Variants in CFAP47 observed in about 807,000 individuals in gnomAD.
The protein encoded by CFAP47 is cilia and flagella associated protein 47.
CFAP47 carries 29 observed loss-of-function variants against 148.1 expected under a neutral mutation model. The ratio of observed to expected loss-of-function variants is 0.20; its 90% CI spans 0.15 to 0.27. The LOEUF is 0.27. Among genes scored for constraint, CFAP47 ranks in the 10% least tolerant of loss-of-function variants. CFAP47 has a pLI of 1.00. For missense variants in CFAP47, 1,872 were observed against 1,697.5 expected (o/e 1.10, Z -1.81); for synonymous variants, 664 against 577.3 (o/e 1.15, Z -2.15).
intron 33 of CFAP47, among the ~76,000 whole-genome samples, chrX:36,127,173 C>G (rs1938855286): frequency 8.9e-6 from 1 of 111,882 alleles, no homozygotes; most frequent in Admixed American, 9.5e-5. Context: ...TTGCCCATGC[C>G]TATGTCCTGA....
chrX:36,003,084 T>A (rs768761385), intron 21 of CFAP47, among the ~76,000 whole-genome samples: 47 of 111,326 alleles, frequency 4.2e-4, no homozygotes, highest in Non-Finnish European at 6.4e-4. Flanking sequence ...TTATCTTTTT[T>A]AAAAAATTTC....
chrX:36,181,770 A>C (rs1185681720), intron 40 of CFAP47, among the ~76,000 whole-genome samples: 5 of 111,859 alleles, frequency 4.5e-5, no homozygotes, highest in Non-Finnish European at 7.5e-5. Flanking sequence ...GGATTTACTC[A>C]TGTGTACCCC....
chrX:36,033,967 C>T (rs769307636), intron 23 of CFAP47, among the ~76,000 whole-genome samples: 1 of 111,407 alleles, frequency 9.0e-6, no homozygotes, highest in African/African-American at 3.3e-5. Flanking sequence ...CATTACCTTA[C>T]ACTACCATAG....
chrX:35,929,359 A>G (rs1315947942), intron 2 of CFAP47, among the ~76,000 whole-genome samples: 1 of 112,055 alleles, frequency 8.9e-6, no homozygotes, highest in Non-Finnish European at 1.9e-5. Context: ...TTCAGCCCAG[A>G]GATTCTCTAC....
intron 48 of CFAP47, among the ~76,000 whole-genome samples, chrX:36,243,638 T>C: frequency 2.1e-5 from 1 of 48,048 alleles, no homozygotes; most frequent in Admixed American, 3.3e-4. Context: ...TTAACTATTA[T>C]ATGTGTGTGT....
chrX:35,945,053 A>C (rs1032607023), intron 3 of CFAP47, among the ~76,000 whole-genome samples: 1 of 111,697 alleles, frequency 9.0e-6, no homozygotes, highest in Non-Finnish European at 1.9e-5. Flanking sequence ...TCAGGTCCTG[A>C]AGTGTGGTTG....
chrX:36,057,888 G>T (rs1937567078), intron 26 of CFAP47, among the ~76,000 whole-genome samples: 1 of 111,519 alleles, frequency 9.0e-6, no homozygotes, highest in African/African-American at 3.3e-5. Context: ...CAGAACATGG[G>T]TGTTTATGAC....
At chrX:36,263,580 G>A (rs868937719) in intron 49 of CFAP47, among the ~76,000 whole-genome samples, 32 of 112,104 alleles carry the variant, frequency 2.9e-4, no homozygotes, top group African/African-American at 1.0e-3. Flanking sequence ...TGCAGGCCAT[G>A]AGGAATACTG....
At chrX:36,317,820 A>G (rs908040380) in intron 56 of CFAP47, among the ~76,000 whole-genome samples, 8 of 111,466 alleles carry the variant, frequency 7.2e-5, no homozygotes, top group Non-Finnish European at 1.1e-4. Flanking sequence ...AAAATATATT[A>G]TTGTACAAAT....
chrX:36,367,125 A>G lies in CFAP47; in HGVS notation c.9183A>G (p.Thr3061=). Residue 3061 remains threonine (T), a splice_region_variant and synonymous_variant, in exon 62 of 64, where the codon ACA becomes ACG. Coordinates refer to ENST00000378653, the MANE Select transcript of CFAP47 (RefSeq NM_001304548.2). ...SVFELRLKSQ[T]RNPEPFTAHF... Reference sequence around the variant, plus strand: ...TTGAACTTAGGCTGAAAAGTCAGACAAGGTAATATATTAAACAAAAGTATG... The same window carrying G: ...TTGAACTTAGGCTGAAAAGTCAGACGAGGTAATATATTAAACAAAAGTATG... 1 of 1,133,486 alleles carries G rather than the reference A, an allele frequency of 8.8e-7. No individual in the cohort carries two copies. Among genetic ancestry groups the G allele is most frequent in the Non-Finnish European group, 1.2e-6 (1 of 849,085 alleles). The allele number at this position is 1,133,486 out of a possible 1,213,427, so 93.4% of individuals were successfully genotyped here.
intron 27 of CFAP47, among the ~76,000 whole-genome samples, chrX:36,067,653 A>G (rs1233866124): frequency 9.9e-6 from 1 of 100,674 alleles, no homozygotes. Context: ...GAGAATGGCC[A>G]CGGTGATTTT....
intron 51 of CFAP47, among the ~76,000 whole-genome samples, chrX:36,296,592 T>G (rs1249153628): frequency 8.9e-6 from 1 of 112,588 alleles, no homozygotes; most frequent in Non-Finnish European, 1.9e-5. Context: ...TATTGTGGGT[T>G]GTGGTTAAAA....
In CFAP47 at chrX:36,289,575, A is replaced by C. The variant is rs1238354445; in HGVS notation, c.7686+3849A>C. Among the ~76,000 whole-genome samples, 3 of 111,830 alleles carry C rather than the reference A, an allele frequency of 2.7e-5. No individual in the cohort carries two copies. In the Admixed American group the frequency reaches 2.8e-4, roughly 11 times the overall value. ...AATGTTGAAAACACTCATATAAAAA[A>C]TATTCTATAAAAGTTAGAATTATGA... is the stretch of plus-strand genomic sequence containing the variant. On this transcript the variant is annotated intron_variant, in intron 51 of 63. Coordinates refer to ENST00000378653, the MANE Select transcript of CFAP47 (RefSeq NM_001304548.2).
At chrX:36,022,117 T>C (rs902928566) in intron 22 of CFAP47, 1 of 111,414 alleles carries the variant, frequency 9.0e-6, no homozygotes, top group Non-Finnish European at 1.9e-5. Flanking sequence ...TTAACACCAT[T>C]TGCTTTCTGA....
intron 46 of CFAP47, among the ~76,000 whole-genome samples, chrX:36,233,245 A>T (rs1452036654): frequency 1.8e-5 from 2 of 110,941 alleles, no homozygotes; most frequent in Non-Finnish European, 3.8e-5. Flanking sequence ...ATTGTGTGGG[A>T]GTCTAATTCT....
intron 27 of CFAP47, among the ~76,000 whole-genome samples, chrX:36,068,481 C>T (rs187826979): frequency 3.9e-4 from 43 of 111,590 alleles, no homozygotes; most frequent in Non-Finnish European, 6.8e-4. Flanking sequence ...CATAAACCAT[C>T]AGGAAGGCAT....
intron 1 of CFAP47, among the ~76,000 whole-genome samples, chrX:35,922,091 T>TGGCC (rs1448681678): frequency 9.0e-6 from 1 of 110,938 alleles, no homozygotes; most frequent in East Asian, 2.8e-4. Context: ...ATGGCTTGTG[T>TGGCC]GGCCTCTGGT....
In CFAP47 at chrX:36,058,300, ATGTAAT is replaced by A. The variant is rs1457190508; in HGVS notation, c.4218-7338_4218-7333del. On this transcript the variant is annotated intron_variant, in intron 26 of 63. Transcript: ENST00000378653. ...AAATTCAGATAAACTCTAAAGTAAA[ATGTAAT>A]TGTATTACCTCTTAGAGTATATAAT... Among the ~76,000 whole-genome samples the A allele has an allele frequency of 2.3e-4, 26 of 111,971 alleles. No homozygotes were observed. In the Admixed American group the frequency reaches 2.5e-3, roughly 11 times the overall value.
intron 30 of CFAP47, among the ~76,000 whole-genome samples, chrX:36,095,291 A>G (rs904110485): frequency 9.0e-6 from 1 of 111,468 alleles, no homozygotes; most frequent in African/African-American, 3.2e-5. Flanking sequence ...TTGGTTTGCT[A>G]ATATTTTGTT....
Sources: allele counts gnomAD v4.1 joint callset (sites outside exome capture counted in the v4.1 genomes callset), GRCh38; gene constraint gnomAD v4.1.1; transcripts MANE v1.5; gene names NCBI Gene and HGNC (gene_info 2026-07-23, HGNC 2026-07-21).